The following JAZF1 variants were observed in gnomAD, a reference collection of about 807,000 sequenced individuals.
The protein encoded by JAZF1 is juxtaposed with another zinc finger protein 1.
In JAZF1, 8 loss-of-function variants were observed where a neutral mutation model predicts 26.4. The ratio of observed to expected loss-of-function variants is 0.30; its 90% CI spans 0.18 to 0.55. The LOEUF (loss-of-function observed/expected upper bound fraction) is 0.55. Ranked by LOEUF, JAZF1 falls within the 20% of genes least tolerant of loss-of-function variation. JAZF1 has a pLI of 0.94. For missense variants in JAZF1, 199 were observed against 322.0 expected, an observed-to-expected ratio of 0.62 and a Z score of 2.92; for synonymous variants, 126 against 122.3, an observed-to-expected ratio of 1.03 and a Z score of -0.20.
At chr7:28,106,446 A>G (rs757326733) in intron 1 of JAZF1, among the ~76,000 whole-genome samples, 13 of 152,214 alleles carry the variant, frequency 8.5e-5, no homozygotes, top group Non-Finnish European at 1.8e-4. Context: ...CTCAAGTGTT[A>G]CAAGACAACA....
chr7:27,999,787 A>T (rs1786095300), intron 1 of JAZF1, among the ~76,000 whole-genome samples: 1 of 152,214 alleles, frequency 6.6e-6, no homozygotes, highest in Non-Finnish European at 1.5e-5. Context: ...CACAGAGGAT[A>T]CAAAAGCATT....
At chr7:27,940,675 G>C (rs909450743) in intron 2 of JAZF1, among the ~76,000 whole-genome samples, 5 of 152,102 alleles carry the variant, frequency 3.3e-5, no homozygotes, top group Admixed American at 3.3e-4. Flanking sequence ...AGGCGGCCTG[G>C]GTCTTGGGTC....
At chr7:28,152,625 T>C (rs1195557811) in intron 1 of JAZF1, among the ~76,000 whole-genome samples, 5 of 152,214 alleles carry the variant, frequency 3.3e-5, no homozygotes, top group Non-Finnish European at 7.3e-5. Flanking sequence ...TGACTTACTA[T>C]TCCTTTGTAA....
At position 27,975,508 on chromosome 7, in the gene JAZF1, C is replaced by A. The variant is rs570943713; in HGVS notation, c.188+16401G>T. Among the ~76,000 whole-genome samples the A allele has an allele frequency of 2.0e-5, 3 of 152,260 alleles. No homozygotes were observed. The South Asian group carries it at 6.2e-4, about 32-fold the overall frequency. On this transcript the variant is annotated intron_variant, in intron 2 of 4. Coordinates refer to ENST00000283928, the MANE Select transcript of JAZF1 (RefSeq NM_175061.4). ...TAGAGGTCTCAAGGCAAATGTGACACCCAGGAGAGGACACAGCAGGGGAAA... is the reference window on the plus strand; with the variant it reads ...TAGAGGTCTCAAGGCAAATGTGACAACCAGGAGAGGACACAGCAGGGGAAA...
At position 28,118,733 on chromosome 7, in the gene JAZF1, TG is replaced by T. The variant is rs1186567488; in HGVS notation, c.115+61729del. Among the ~76,000 whole-genome samples the T allele has an allele frequency of 2.6e-5, 4 of 151,234 alleles. No individual in the cohort carries two copies. The East Asian group carries it at 5.8e-4, about 22-fold the overall frequency. On this transcript the variant is annotated intron_variant, in intron 1 of 4. Coordinates refer to ENST00000283928, the MANE Select transcript of JAZF1 (RefSeq NM_175061.4). ...TGTCATTTGAGGTTGTAAGATTAGTTGTTGGAGATCTATTTCTAAGAGAGTT... is the reference window on the plus strand; with the variant it reads ...TGTCATTTGAGGTTGTAAGATTAGTTTTGGAGATCTATTTCTAAGAGAGTT...
At chr7:28,164,416 T>C (rs955902158) in intron 1 of JAZF1, among the ~76,000 whole-genome samples, 5 of 152,228 alleles carry the variant, frequency 3.3e-5, no homozygotes, top group Non-Finnish European at 5.9e-5. Flanking sequence ...ATTGACTGCA[T>C]GGGCATCCTG....
intron 1 of JAZF1, among the ~76,000 whole-genome samples, chr7:28,015,412 C>T (rs57412057): frequency 0.046 from 7,072 of 152,142 alleles, 262 homozygotes; most frequent in African/African-American, 0.097. Context: ...AAATAGACTA[C>T]ACTAATGTAA....
chr7:28,163,148 T>C (rs533447649), intron 1 of JAZF1, among the ~76,000 whole-genome samples: 13 of 152,236 alleles, frequency 8.5e-5, no homozygotes, highest in Non-Finnish European at 1.8e-4. Flanking sequence ...GTTTAACATG[T>C]GCCCCTCACA....
At chr7:28,039,889 A>G (rs954232925) in intron 1 of JAZF1, among the ~76,000 whole-genome samples, 4 of 152,230 alleles carry the variant, frequency 2.6e-5, no homozygotes, top group African/African-American at 9.6e-5. Context: ...TGTCAGTTAA[A>G]GTCAGGCCTA....
intron 2 of JAZF1, among the ~76,000 whole-genome samples, chr7:27,990,244 T>G (rs1785871635): frequency 6.6e-6 from 1 of 152,070 alleles, no homozygotes; most frequent in Non-Finnish European, 1.5e-5. Context: ...TGAGAACACT[T>G]GGACACAGGG....
rs377510723 is a variant in JAZF1 at position 28,020,792 on chromosome 7, G to C, written c.116-28811C>G. The C allele has an allele frequency of 9.5e-5, 41 of 430,952 alleles. No homozygotes were observed. In the East Asian group the frequency reaches 2.1e-3, roughly 23 times the overall value. 26.7% of individuals were successfully genotyped at this position (430,952 alleles called of 1,614,324 possible). ...GAGCATCTCTTCTCCAGCACCCAAG[G>C]CTTCTTTAGGAGAATTACCAAAACT... On this transcript the variant is annotated intron_variant, in intron 1 of 4. Transcript: ENST00000283928.
intron 3 of JAZF1, among the ~76,000 whole-genome samples, chr7:27,879,118 T>A (rs894806863): frequency 2.0e-5 from 3 of 152,216 alleles, no homozygotes; most frequent in African/African-American, 7.2e-5. Context: ...TTCCAAAACA[T>A]ATGCAGTAAG....
At chr7:27,872,661 A>G (rs1783604088) in intron 3 of JAZF1, among the ~76,000 whole-genome samples, 1 of 152,244 alleles carries the variant, frequency 6.6e-6, no homozygotes, top group South Asian at 2.1e-4. Context: ...ACTTACACTC[A>G]CAACCACAAT....
intron 2 of JAZF1, among the ~76,000 whole-genome samples, chr7:27,990,789 G>A (rs909814394): frequency 6.6e-6 from 1 of 152,130 alleles, no homozygotes. Context: ...CCAGAAAAGT[G>A]TATGTCTTTA....
chr7:27,965,926 C>T (rs927241009), intron 2 of JAZF1, among the ~76,000 whole-genome samples: 3 of 152,162 alleles, frequency 2.0e-5, no homozygotes, highest in Non-Finnish European at 4.4e-5. Flanking sequence ...GCAACCACTG[C>T]ATATACAAAA....
intron 2 of JAZF1, among the ~76,000 whole-genome samples, chr7:27,921,472 A>C (rs1299571830): frequency 6.6e-6 from 1 of 152,166 alleles, no homozygotes; most frequent in Admixed American, 6.5e-5. Context: ...GGGGAAAAGC[A>C]TAATTGTCAA....
chr7:28,067,299 A>C (rs117737199), intron 1 of JAZF1, among the ~76,000 whole-genome samples: 1,700 of 152,336 alleles, frequency 0.011, 17 homozygotes, highest in Non-Finnish European at 0.017. Flanking sequence ...GAGATGACTC[A>C]GACATCAACA....
chr7:28,049,246 C>T (rs889946896), intron 1 of JAZF1, among the ~76,000 whole-genome samples: 2 of 151,644 alleles, frequency 1.3e-5, no homozygotes, highest in Non-Finnish European at 1.5e-5. Context: ...CCACAGCTGG[C>T]TAATTTTTTG....
chr7:28,090,056 T>C (rs1310578126), intron 1 of JAZF1, among the ~76,000 whole-genome samples: 2 of 152,246 alleles, frequency 1.3e-5, no homozygotes, highest in Admixed American at 6.5e-5. Context: ...TATGGTGCCA[T>C]TGTCAGTCAA....
Sources: allele counts gnomAD v4.1 joint callset (sites outside exome capture counted in the v4.1 genomes callset), GRCh38; gene constraint gnomAD v4.1.1; transcripts MANE v1.5; gene names NCBI Gene and HGNC (gene_info 2026-07-23, HGNC 2026-07-21).